The following QKI variants were observed in gnomAD, a reference collection of about 807,000 sequenced individuals.
The protein encoded by QKI is KH domain-containing RNA-binding protein QKI.
QKI carries 10 observed loss-of-function variants against 39.0 expected under a neutral mutation model. The ratio of observed to expected loss-of-function variants is 0.26; its 90% CI spans 0.16 to 0.43. The LOEUF is 0.43. Ranked by LOEUF, QKI falls within the 20% of genes least tolerant of loss-of-function variation. The pLI is 1.00. For synonymous variants in QKI, 204 were observed against 155.4 expected (o/e 1.31, Z -2.33); for missense variants, 218 against 428.0 (o/e 0.51, Z 4.33).
At chr6:163,529,181 GAGAA>G (rs1780694056) in intron 3 of QKI, among the ~76,000 whole-genome samples, 1 of 152,110 alleles carries the variant, frequency 6.6e-6, no homozygotes, top group Admixed American at 6.5e-5. Context: ...GGTAACTAAG[GAGAA>G]AGAAAGAAGC....
chr6:163,441,146 T>C (rs1459321921), intron 1 of QKI, among the ~76,000 whole-genome samples: 1 of 152,180 alleles, frequency 6.6e-6, no homozygotes, highest in African/African-American at 2.4e-5. Flanking sequence ...AAGCCAAGAC[T>C]AAGCACATAT....
At chr6:163,510,241 T>TAATAATAAG (rs1554270105) in intron 3 of QKI, among the ~76,000 whole-genome samples, 6 of 142,046 alleles carry the variant, frequency 4.2e-5, no homozygotes, top group African/African-American at 1.3e-4. Context: ...ATAATAATAA[T>TAATAATAAG]AATAATAATA....
intron 2 of QKI, among the ~76,000 whole-genome samples, chr6:163,463,122 A>G (rs1372196201): frequency 6.6e-6 from 1 of 152,228 alleles, no homozygotes; most frequent in Non-Finnish European, 1.5e-5. Flanking sequence ...CTTGGATTTG[A>G]ATAGAGTTTC....
At chr6:163,497,272 GTTAAATC>G (rs1778466724) in intron 3 of QKI, among the ~76,000 whole-genome samples, 1 of 152,066 alleles carries the variant, frequency 6.6e-6, no homozygotes, top group Non-Finnish European at 1.5e-5. Flanking sequence ...CATTTGTTCA[GTTAAATC>G]TTAAATTCTT....
intron 1 of QKI, among the ~76,000 whole-genome samples, chr6:163,450,379 G>GAT (rs1162366374): frequency 6.6e-6 from 1 of 152,132 alleles, no homozygotes; most frequent in Non-Finnish European, 1.5e-5. Flanking sequence ...ATATTAAAAG[G>GAT]ATATGTACAA....
chr6:163,518,320 C>T (rs1378806781), intron 3 of QKI, among the ~76,000 whole-genome samples: 1 of 152,052 alleles, frequency 6.6e-6, no homozygotes, highest in Non-Finnish European at 1.5e-5. Flanking sequence ...AATATCCAGT[C>T]AAAGATAAGA....
intron 2 of QKI, among the ~76,000 whole-genome samples, chr6:163,471,465 G>C (rs1245307622): frequency 6.6e-6 from 1 of 152,160 alleles, no homozygotes; most frequent in Non-Finnish European, 1.5e-5. Context: ...ATAATGGCCT[G>C]TTGAGTTTAA....
intron 3 of QKI, among the ~76,000 whole-genome samples, chr6:163,507,890 TTTTG>T (rs1779200424): frequency 6.6e-6 from 1 of 152,192 alleles, no homozygotes; most frequent in African/African-American, 2.4e-5. Context: ...GAGACAGATT[TTTTG>T]TTTTTGTTTT....
At chr6:163,496,633 C>G (rs941151581) in intron 3 of QKI, among the ~76,000 whole-genome samples, 9 of 152,156 alleles carry the variant, frequency 5.9e-5, no homozygotes, top group African/African-American at 2.2e-4. Flanking sequence ...GCTAAAGGCC[C>G]TACGTGGCCT....
intron 3 of QKI, among the ~76,000 whole-genome samples, chr6:163,505,533 A>C (rs1019165910): frequency 1.2e-4 from 18 of 152,298 alleles, no homozygotes; most frequent in African/African-American, 4.3e-4. Context: ...TGAAACATGG[A>C]GTCAAAGGAG....
At chr6:163,467,748 T>C (rs949201927) in intron 2 of QKI, among the ~76,000 whole-genome samples, 7 of 152,194 alleles carry the variant, frequency 4.6e-5, no homozygotes. Context: ...GATGCTCGTT[T>C]TCCCTCAAAA....
intron 2 of QKI, chr6:163,457,342 G>C (rs975134314): frequency 8.8e-6 from 4 of 455,990 alleles, no homozygotes; most frequent in African/African-American, 2.0e-5. Flanking sequence ...TGAGTCTAGA[G>C]GGCACCTGTT....
chr6:163,517,086 TCTC>T (rs1779869899), intron 3 of QKI, among the ~76,000 whole-genome samples: 2 of 57,912 alleles, frequency 3.5e-5, no homozygotes, highest in Non-Finnish European at 7.3e-5. Flanking sequence ...TCTCTTTCTC[TCTC>T]TCTCTCTCTC....
At chr6:163,437,985 T>A (rs1383983946) in intron 1 of QKI, among the ~76,000 whole-genome samples, 1 of 152,192 alleles carries the variant, frequency 6.6e-6, no homozygotes, top group Non-Finnish European at 1.5e-5. Flanking sequence ...ACTGTGAGGT[T>A]TGTGTTTGAG....
intron 1 of QKI, among the ~76,000 whole-genome samples, chr6:163,422,085 T>C (rs1283402157): frequency 6.6e-6 from 1 of 152,192 alleles, no homozygotes; most frequent in Non-Finnish European, 1.5e-5. Flanking sequence ...TTTATTACTG[T>C]GCTTTAGCAG....
At chr6:163,568,652 G>A (rs972705668) in intron 7 of QKI, 1 of 975,580 alleles carries the variant, frequency 1.0e-6, no homozygotes, top group African/African-American at 1.8e-5. Flanking sequence ...AAAATATTTT[G>A]AAGAGAAGTT....
chr6:163,417,200 A>G (rs927265213), intron 1 of QKI, among the ~76,000 whole-genome samples: 1 of 151,988 alleles, frequency 6.6e-6, no homozygotes, highest in Non-Finnish European at 1.5e-5. Context: ...TCTCCTTGGC[A>G]TATTTTGGTT....
At chr6:163,564,701 A>T (rs756617341) in intron 6 of QKI, 2 of 1,614,112 alleles carry the variant, frequency 1.2e-6, no homozygotes, top group Non-Finnish European at 1.7e-6. Flanking sequence ...CTGATATTTC[A>T]GCCCATTGAC....
At chr6:163,486,859 T>A (rs2128227432) in intron 3 of QKI, among the ~76,000 whole-genome samples, 1 of 152,336 alleles carries the variant, frequency 6.6e-6, no homozygotes, top group African/African-American at 2.4e-5. Flanking sequence ...CACCGAATAG[T>A]AGAGCTTTAT....
Sources: allele counts gnomAD v4.1 joint callset (sites outside exome capture counted in the v4.1 genomes callset), GRCh38; gene constraint gnomAD v4.1.1; transcripts MANE v1.5; gene names NCBI Gene and HGNC (gene_info 2026-07-23, HGNC 2026-07-21).